AMPD1: variants seen among roughly 807,000 people sequenced by gnomAD.
The protein encoded by AMPD1 is AMP deaminase 1.
A neutral mutation model predicts 82.9 loss-of-function variants in AMPD1; 74 were observed. The ratio of observed to expected loss-of-function variants is 0.89; its 90% CI spans 0.74 to 1.08. AMPD1 has a LOEUF of 1.08. Among genes scored for constraint, AMPD1 ranks in the 50% least tolerant of loss-of-function variants. The pLI is 0.00. For synonymous variants in AMPD1, 333 were observed against 320.5 expected, an observed-to-expected ratio of 1.04 and a Z score of -0.42; for missense variants, 881 against 924.5, an observed-to-expected ratio of 0.95 and a Z score of 0.61.
Position 114,675,892 on chromosome 1 carries a change from A to G in AMPD1, c.1500T>C (p.Ser500=), listed in dbSNP as rs1380000903. ...TINPQADPEL[S]VFLKHITGFD... is the part of the protein sequence containing the mutation. ...TCATGCTTACATGCTTGAGGAAGAC[A>G]CTGAGTTCTGGGTCAGCCTGGGGGT... is the stretch of plus-strand genomic sequence containing the variant. The change falls in exon 11 of 16, where the codon AGT becomes AGC. Residue 500 remains serine (S), a synonymous_variant. Transcript: ENST00000520113. 1.2e-6 allele frequency: 2 copies of G among 1,614,208 alleles called. No homozygotes were observed. Among genetic ancestry groups the G allele is most frequent in the South Asian group, 2.2e-5 (2 of 91,084 alleles).
In AMPD1 at chr1:114,695,290, A is replaced by G. The variant is rs1570859578; in HGVS notation, c.22+160T>C. On this transcript the variant is annotated intron_variant, in intron 1 of 15. Coordinates refer to ENST00000520113, the MANE Select transcript of AMPD1 (RefSeq NM_000036.3). ...TCCCAAAACTAAAAACAAACAAAAAACCCTTGAAAATATTTTGTGTTTTCC... is the reference window on the plus strand; with the variant it reads ...TCCCAAAACTAAAAACAAACAAAAAGCCCTTGAAAATATTTTGTGTTTTCC... 5 of 1,156,100 alleles carry G rather than the reference A, an allele frequency of 4.3e-6. No homozygotes were observed. In the South Asian group the frequency reaches 7.2e-5, roughly 17 times the overall value. 71.6% of individuals were successfully genotyped at this position (1,156,100 alleles called of 1,614,324 possible).
At chr1:114,685,080 C>A (rs745684906) in intron 4 of AMPD1, among the ~76,000 whole-genome samples, 1 of 152,122 alleles carries the variant, frequency 6.6e-6, no homozygotes, top group Non-Finnish European at 1.5e-5. Context: ...TATCAGAACC[C>A]AAAGACTTTT....
At chr1:114,677,268 C>A (rs1415127697) in intron 10 of AMPD1, 83 bp downstream of exon 10, 2 of 1,560,002 alleles carry the variant, frequency 1.3e-6, no homozygotes, top group African/African-American at 2.7e-5. Context: ...TCTAGATGGG[C>A]AACACGTTCC....
intron 7 of AMPD1, among the ~76,000 whole-genome samples, chr1:114,679,082 A>G (rs1176758435): frequency 6.6e-6 from 1 of 152,212 alleles, no homozygotes; most frequent in African/African-American, 2.4e-5. Context: ...AATGGTCAGA[A>G]TACATCTTGG....
chr1:114,692,234 C>T (rs560944872), intron 2 of AMPD1, among the ~76,000 whole-genome samples: 16 of 152,282 alleles, frequency 1.1e-4, no homozygotes, highest in Non-Finnish European at 4.4e-5. Flanking sequence ...CTCAGCAGTG[C>T]TTTATTAATG....
Position 114,677,399 on chromosome 1 carries a change from C to G in AMPD1, c.1340G>C (p.Arg447Pro). Reference protein sequence around the residue: ...SKLSSWFVCNRIHCPNMTWMI... With the variant: ...SKLSSWFVCNPIHCPNMTWMI... ...CCATGTCATGTTGGGGCAGTGGATG[C>G]GATTGCAGACGAACCAGGAGGAGAG... Residue 447 changes from arginine to proline, a missense_variant, in exon 10 of 16, where the codon CGC becomes CCC. Coordinates refer to ENST00000520113, the MANE Select transcript of AMPD1 (RefSeq NM_000036.3). 6.2e-7 allele frequency: 1 copy of G among 1,610,932 alleles called. No homozygotes were observed. Among genetic ancestry groups the G allele is most frequent in the Non-Finnish European group, 8.5e-7 (1 of 1,179,370 alleles).
intron 1 of AMPD1, 68 bp from the exon 2 acceptor site, chr1:114,693,515 T>A: frequency 7.0e-7 from 1 of 1,420,196 alleles, no homozygotes; most frequent in South Asian, 1.1e-5. Flanking sequence ...TGGCTATTAA[T>A]CACTGCTTTG....
chr1:114,695,507 A>G lies in AMPD1; in HGVS notation c.-36T>C, dbSNP rs1658651169. 6.2e-7 allele frequency: 1 copy of G among 1,614,144 alleles called. No homozygotes were observed. The highest frequency in any genetic ancestry group is 8.5e-7 in the Non-Finnish European group (1 of 1,180,000). Reference sequence around the variant, plus strand: ...ATCCTTGATTCTAGGATAGCACAGTAGAAAAGAAGAGAGAGGAGACTGTGG... The same window carrying G: ...ATCCTTGATTCTAGGATAGCACAGTGGAAAAGAAGAGAGAGGAGACTGTGG... On this transcript the variant is annotated 5_prime_UTR_variant, in exon 1 of 16. Transcript: ENST00000520113.
rs1415554667 is a variant in AMPD1, at chr1:114,678,532, A to G, written c.898-5T>C. On this transcript the variant is annotated splice_polypyrimidine_tract_variant and splice_region_variant and intron_variant, in intron 7 of 15. Coordinates refer to ENST00000520113, the MANE Select transcript of AMPD1 (RefSeq NM_000036.3). ...TGCATGGATATGGGTGTCCACCTGTATGTATATTCAAAGAAAGAAAAAAAC... is the reference window on the plus strand; with the variant it reads ...TGCATGGATATGGGTGTCCACCTGTGTGTATATTCAAAGAAAGAAAAAAAC... 6.2e-7 allele frequency: 1 copy of G among 1,612,940 alleles called. No homozygotes were observed. Among genetic ancestry groups the G allele is most frequent in the Non-Finnish European group, 8.5e-7 (1 of 1,179,092 alleles).
At chr1:114,688,928 A>G (rs1183846894) in intron 2 of AMPD1, 187 bp from the exon 3 acceptor site, 5 of 767,948 alleles carry the variant, frequency 6.5e-6, no homozygotes, top group Non-Finnish European at 1.2e-5. Flanking sequence ...GGTACCTTGA[A>G]AATATGCTCT....
chr1:114,678,583 C>G, intron 7 of AMPD1, 56 bp from the exon 8 acceptor site: 1 of 1,491,518 alleles, frequency 6.7e-7, no homozygotes. Context: ...TTATGCTACT[C>G]TGTTTAGAGG....
Position 114,680,262 on chromosome 1 carries a change from G to T in AMPD1, c.764C>A (p.Pro255His). Residue 255 changes from proline to histidine, a missense_variant, in exon 6 of 16, where the codon CCT (proline) becomes CAT (histidine). By Grantham distance (77) the Pro-to-His change is moderately conservative. This residue lies in a region of AMPD1 where 783 missense variants were observed against 786.4 expected (regional missense o/e 1.00). Transcript: ENST00000520113. ...TTAGGTCTCACTAAACACTTACACA[G>T]GTCCTTGAGCAATTAAAGCAAGTAA... ...NFLLALIAQGPVKTYTHRRLK... is the reference protein window; with the variant it reads ...NFLLALIAQGHVKTYTHRRLK... 1 of 1,613,350 alleles carries T rather than the reference G, an allele frequency of 6.2e-7. No individual in the cohort carries two copies. Among genetic ancestry groups the T allele is most frequent in the Non-Finnish European group, 8.5e-7 (1 of 1,179,880 alleles).
At chr1:114,691,790 T>G (rs1039333661) in intron 2 of AMPD1, among the ~76,000 whole-genome samples, 1 of 152,032 alleles carries the variant, frequency 6.6e-6, no homozygotes, top group Admixed American at 6.6e-5. Context: ...CTGGGTGTGG[T>G]GGCACGTGCC....
At chr1:114,676,165 G>C (rs749450938) in intron 10 of AMPD1, 162 bp from the exon 11 acceptor site, 2 of 853,860 alleles carry the variant, frequency 2.3e-6, no homozygotes, top group Non-Finnish European at 3.6e-6. Context: ...CCCCTATAGA[G>C]AGGGATTCAG....
At chr1:114,686,993 T>G in intron 3 of AMPD1, 83 bp from the exon 4 acceptor site, 1 of 1,445,742 alleles carries the variant, frequency 6.9e-7, no homozygotes, top group Non-Finnish European at 9.7e-7. Flanking sequence ...CTCTATACAA[T>G]TTTATTCTGA....
chr1:114,674,693 A>AG, intron 13 of AMPD1, 59 bp downstream of exon 13: 1 of 1,576,626 alleles, frequency 6.3e-7, no homozygotes, highest in Non-Finnish European at 8.7e-7. Flanking sequence ...TGGTTGGTTA[A>AG]GGGAAAAAAG....
At chr1:114,682,829 T>C (rs901694381) in intron 5 of AMPD1, among the ~76,000 whole-genome samples, 45 of 152,136 alleles carry the variant, frequency 3.0e-4, no homozygotes, top group Admixed American at 1.5e-3. Context: ...CCGCCCGCCT[T>C]GGCCTCCCAA....
At chr1:114,688,032 G>C (rs1658370570) in intron 3 of AMPD1, among the ~76,000 whole-genome samples, 1 of 152,142 alleles carries the variant, frequency 6.6e-6, no homozygotes, top group Non-Finnish European at 1.5e-5. Context: ...CTTCAATCAA[G>C]GGAGATATGG....
intron 3 of AMPD1, 46 bp from the exon 4 acceptor site, chr1:114,686,956 GCGTTT>G: frequency 6.3e-7 from 1 of 1,585,818 alleles, no homozygotes; most frequent in East Asian, 2.2e-5. Context: ...TCTTCATCAG[GCGTTT>G]CATTGTGATA....
Sources: allele counts gnomAD v4.1 joint callset (sites outside exome capture counted in the v4.1 genomes callset), GRCh38; gene constraint gnomAD v4.1.1; regional missense constraint gnomAD v4.1.1; transcripts MANE v1.5; gene names NCBI Gene and HGNC (gene_info 2026-07-23, HGNC 2026-07-21).